KCNH8: variants seen among roughly 807,000 people sequenced by gnomAD.
KCNH8 encodes the protein voltage-gated delayed rectifier potassium channel KCNH8.
Under a neutral mutation model 103.6 loss-of-function variants are expected in KCNH8, and 70 were observed. That is an observed-to-expected ratio of 0.68 (90% CI 0.56 to 0.82). The LOEUF (loss-of-function observed/expected upper bound fraction) is 0.82, where lower values mean the gene tolerates loss of function less well. Among genes scored for constraint, KCNH8 ranks in the 40% least tolerant of loss-of-function variants. The pLI is 0.00. For missense variants in KCNH8, 1,217 were observed against 1,329.9 expected (o/e 0.92, Z 1.32); for synonymous variants, 498 against 489.4 (o/e 1.02, Z -0.23).
At chr3:19,396,108 T>C (rs539712243) in intron 7 of KCNH8, among the ~76,000 whole-genome samples, 6 of 152,180 alleles carry the variant, frequency 3.9e-5, no homozygotes, top group African/African-American at 1.4e-4. Flanking sequence ...TGTAGAATTT[T>C]TTTTTATTAA....
At chr3:19,440,457 A>G (rs1201080390) in intron 8 of KCNH8, among the ~76,000 whole-genome samples, 1 of 152,196 alleles carries the variant, frequency 6.6e-6, no homozygotes, top group Non-Finnish European at 1.5e-5. Flanking sequence ...GTGGTGGAAG[A>G]CAATGGAAGA....
intron 15 of KCNH8, among the ~76,000 whole-genome samples, chr3:19,520,117 A>G (rs185473521): frequency 2.0e-5 from 3 of 151,536 alleles, no homozygotes; most frequent in Admixed American, 1.3e-4. Flanking sequence ...TCTGTGGTAC[A>G]TGTGCAGAAT....
At chr3:19,389,089 C>T (rs2066397600) in intron 5 of KCNH8, among the ~76,000 whole-genome samples, 1 of 152,130 alleles carries the variant, frequency 6.6e-6, no homozygotes, top group Non-Finnish European at 1.5e-5. Flanking sequence ...TTTCACTTCA[C>T]AAGGCTATAC....
At chr3:19,254,673 G>A (rs2064324682) in intron 2 of KCNH8, among the ~76,000 whole-genome samples, 1 of 152,012 alleles carries the variant, frequency 6.6e-6, no homozygotes, top group African/African-American at 2.4e-5. Context: ...TCAAAAATTA[G>A]AACAAACTAT....
At chr3:19,259,419 C>T (rs1463411857) in intron 2 of KCNH8, among the ~76,000 whole-genome samples, 1 of 151,346 alleles carries the variant, frequency 6.6e-6, no homozygotes, top group African/African-American at 2.4e-5. Flanking sequence ...TTATGCCAAC[C>T]AGCATATATG....
chr3:19,265,964 A>G (rs1288634988), intron 2 of KCNH8, among the ~76,000 whole-genome samples: 1 of 152,080 alleles, frequency 6.6e-6, no homozygotes, highest in Non-Finnish European at 1.5e-5. Context: ...ATTTTGGTCC[A>G]GAGCTACAAT....
chr3:19,278,731 T>C (rs1235803856), intron 2 of KCNH8, among the ~76,000 whole-genome samples: 2 of 152,214 alleles, frequency 1.3e-5, no homozygotes, highest in Non-Finnish European at 2.9e-5. Flanking sequence ...TGAAGTTTTA[T>C]TGAATTTATA....
At chr3:19,302,560 C>T (rs1057246503) in intron 3 of KCNH8, among the ~76,000 whole-genome samples, 33 of 152,124 alleles carry the variant, frequency 2.2e-4, no homozygotes, top group Non-Finnish European at 2.9e-5. Flanking sequence ...AAGGTACTTT[C>T]CCTCACCAAT....
intron 5 of KCNH8, among the ~76,000 whole-genome samples, chr3:19,373,934 A>C (rs937683453): frequency 6.6e-6 from 1 of 152,104 alleles, no homozygotes; most frequent in Non-Finnish European, 1.5e-5. Context: ...TGAGATTCTT[A>C]ATCCTGAGTT....
At chr3:19,298,313 A>G (rs910339761) in intron 3 of KCNH8, among the ~76,000 whole-genome samples, 4 of 152,210 alleles carry the variant, frequency 2.6e-5, no homozygotes, top group Middle Eastern at 3.2e-3. Context: ...GTAAAAGCAG[A>G]TATTTGCCAT....
Position 19,202,624 on chromosome 3 carries a change from GA to G in KCNH8, c.77-51028del, listed in dbSNP as rs372206503. Reference sequence around the variant, plus strand: ...ATGAGAAATTATGCTTTTGGTATGGGAAGTATGTATGGAAAAGAGAGGATGC... The same window carrying G: ...ATGAGAAATTATGCTTTTGGTATGGGAGTATGTATGGAAAAGAGAGGATGC... On this transcript the variant is annotated intron_variant, in intron 1 of 15. Transcript: ENST00000328405. Among the ~76,000 whole-genome samples the G allele has an allele frequency of 4.7e-4, 72 of 152,260 alleles. 1 individual carries two copies. The East Asian group carries it at 0.013, about 28-fold the overall frequency.
chr3:19,276,697 T>C (rs1452961647), intron 2 of KCNH8, among the ~76,000 whole-genome samples: 1 of 152,142 alleles, frequency 6.6e-6, no homozygotes, highest in East Asian at 1.9e-4. Flanking sequence ...TTTTTATCTA[T>C]TGACAAATAT....
chr3:19,409,442 T>C (rs2066742092), intron 7 of KCNH8, among the ~76,000 whole-genome samples: 1 of 151,984 alleles, frequency 6.6e-6, no homozygotes, highest in African/African-American at 2.4e-5. Flanking sequence ...ACAGACCCCA[T>C]AAAGCAAAAA....
intron 1 of KCNH8, among the ~76,000 whole-genome samples, chr3:19,170,980 T>A (rs2063343394): frequency 6.6e-6 from 1 of 151,600 alleles, no homozygotes; most frequent in Admixed American, 6.6e-5. Flanking sequence ...CCCGGCTAAT[T>A]TTTTGTATTT....
chr3:19,516,696 T>C (rs1357660228), intron 14 of KCNH8, among the ~76,000 whole-genome samples: 2 of 152,000 alleles, frequency 1.3e-5, no homozygotes, highest in Admixed American at 6.6e-5. Flanking sequence ...CGCTTACACA[T>C]TCAAGCATCA....
intron 3 of KCNH8, among the ~76,000 whole-genome samples, chr3:19,312,195 T>A (rs1266201284): frequency 1.3e-5 from 2 of 151,968 alleles, no homozygotes; most frequent in Admixed American, 1.3e-4. Context: ...TTCGAAATTA[T>A]AATTCTAAAA....
chr3:19,511,572 C>T (rs2068783627), intron 12 of KCNH8, among the ~76,000 whole-genome samples: 1 of 152,050 alleles, frequency 6.6e-6, no homozygotes, highest in Admixed American at 6.6e-5. Flanking sequence ...TCCAACGATG[C>T]TAGTATACAA....
At chr3:19,372,026 A>C (rs2066105342) in intron 5 of KCNH8, among the ~76,000 whole-genome samples, 2 of 152,120 alleles carry the variant, frequency 1.3e-5, no homozygotes, top group Admixed American at 1.3e-4. Context: ...CTTGTAGTAT[A>C]GTTTGAAGTC....
chr3:19,322,248 C>T (rs2065359487), intron 3 of KCNH8, among the ~76,000 whole-genome samples: 1 of 151,908 alleles, frequency 6.6e-6, no homozygotes, highest in Non-Finnish European at 1.5e-5. Context: ...TACGTGAATA[C>T]CTTTTTTTTC....
Sources: allele counts gnomAD v4.1 joint callset (sites outside exome capture counted in the v4.1 genomes callset), GRCh38; gene constraint gnomAD v4.1.1; transcripts MANE v1.5; gene names NCBI Gene and HGNC (gene_info 2026-07-23, HGNC 2026-07-21).